The following ERICH6 variants were observed in gnomAD, a reference collection of about 807,000 sequenced individuals.
The protein encoded by ERICH6 is glutamate-rich protein 6.
In ERICH6, 71 loss-of-function variants were observed where a neutral mutation model predicts 71.0. The ratio of observed to expected loss-of-function variants is 1.00; its 90% confidence interval spans 0.83 to 1.22. The LOEUF is 1.22. ERICH6 is among the 50% of genes most tolerant of loss of function. The pLI, the probability that ERICH6 is intolerant of heterozygous loss-of-function variation, is 0.00. For missense variants in ERICH6, 808 were observed against 797.2 expected (o/e 1.01, Z -0.16); for synonymous variants, 262 against 278.4 (o/e 0.94, Z 0.59).
chr3:150,680,495 T>C lies in ERICH6; in HGVS notation c.1084A>G (p.Arg362Gly). The C allele has an allele frequency of 6.2e-7, 1 of 1,614,236 alleles. No homozygotes were observed. The highest frequency in any genetic ancestry group is 1.1e-5 in the South Asian group (1 of 91,084). Residue 362 changes from arginine to glycine, a missense_variant, in exon 9 of 14, where the codon AGG becomes GGG. Transcript: ENST00000295910. ...RMARHFAIISREQTHFSEDDS... is the reference protein window; with the variant it reads ...RMARHFAIISGEQTHFSEDDS... Reference sequence around the variant, plus strand: ...TCTTCAGAGAAATGAGTCTGTTCCCTTGATATTATTGCAAAATGTCTGGCC... The same window carrying C: ...TCTTCAGAGAAATGAGTCTGTTCCCCTGATATTATTGCAAAATGTCTGGCC...
At chr3:150,672,653 CTT>C (rs112999157) in intron 11 of ERICH6, among the ~76,000 whole-genome samples, 1 of 146,786 alleles carries the variant, frequency 6.8e-6, no homozygotes, top group Admixed American at 6.8e-5. Flanking sequence ...TTTCTCTTTT[CTT>C]TTTTTTTTTA....
At position 150,698,871 on chromosome 3, in the gene ERICH6, C is replaced by T. The variant is rs113419449; in HGVS notation, c.473G>A (p.Arg158His). The T allele has an allele frequency of 1.9e-3, 3,002 of 1,613,220 alleles. 31 individuals are homozygous for T. The African/African-American group carries it at 0.032, about 17-fold the overall frequency. Reference protein sequence around the residue: ...SEMSIDRNIHRNLSPGIPVSV... With the variant: ...SEMSIDRNIHHNLSPGIPVSV... ...TACTGGAATTCCTGGAGACAAATTG[C>T]GATGAATATTTCTGAAATTTCGACA... The change falls in exon 3 of 14, where the codon CGC (arginine) becomes CAC (histidine). Residue 158 changes from arginine (R) to histidine (H), a missense_variant. By Grantham distance (29) the Arg-to-His change is conservative. Around this residue, in one of 3 missense-constraint regions of ERICH6, gnomAD observed 736 missense variants for 712.2 expected, o/e 1.03. Coordinates refer to ENST00000295910, the MANE Select transcript of ERICH6 (RefSeq NM_152394.5).
At chr3:150,665,542 A>G (rs1047652406) in intron 13 of ERICH6, among the ~76,000 whole-genome samples, 3 of 144,210 alleles carry the variant, frequency 2.1e-5, no homozygotes, top group Admixed American at 7.1e-5. Flanking sequence ...AATCGACGAA[A>G]CAGGCCGGGA....
Position 150,703,569 on chromosome 3 carries a change from G to A in ERICH6, c.330C>T (p.Phe110=). 6.2e-7 allele frequency: 1 copy of A among 1,613,712 alleles called. No individual in the cohort carries two copies. Among genetic ancestry groups the A allele is most frequent in the South Asian group, 1.1e-5 (1 of 91,066 alleles). ...SIVSPSLTST[F]VPSQSATSTE... ...TGCTGGTCGCGCTCTGGCTGGGCAC[G>A]AACGTAGAGGTCAGGCTAGGGCTGA... Residue 110 remains phenylalanine, a synonymous_variant, in exon 1 of 14, where the codon TTC becomes TTT. Coordinates refer to ENST00000295910, the MANE Select transcript of ERICH6 (RefSeq NM_152394.5).
intron 13 of ERICH6, among the ~76,000 whole-genome samples, chr3:150,666,067 A>G (rs1727405405): frequency 6.6e-6 from 1 of 152,224 alleles, no homozygotes; most frequent in South Asian, 2.1e-4. Flanking sequence ...TTTATGGATA[A>G]GGAAACTGAA....
intron 6 of ERICH6, among the ~76,000 whole-genome samples, chr3:150,683,471 G>T (rs1409007219): frequency 1.3e-5 from 2 of 152,116 alleles, no homozygotes; most frequent in Non-Finnish European, 2.9e-5. Flanking sequence ...TACTTCAAAA[G>T]ACCATGAGGG....
chr3:150,672,992 T>A (rs143369341), intron 11 of ERICH6, among the ~76,000 whole-genome samples: 1 of 152,104 alleles, frequency 6.6e-6, no homozygotes, highest in Non-Finnish European at 1.5e-5. Flanking sequence ...GCCACTGCAC[T>A]CTAACCCGGG....
intron 6 of ERICH6, 38 bp downstream of exon 6, chr3:150,685,704 T>C: frequency 6.8e-7 from 1 of 1,477,380 alleles, no homozygotes; most frequent in Non-Finnish European, 9.4e-7. Flanking sequence ...TATGTCATTT[T>C]TTTAAGAGTA....
intron 12 of ERICH6, 26 bp downstream of exon 12, chr3:150,669,270 G>A: frequency 1.3e-6 from 2 of 1,549,608 alleles, no homozygotes; most frequent in Non-Finnish European, 1.7e-6. Flanking sequence ...CCACAAAATG[G>A]CAGCAGCAGG....
intron 10 of ERICH6, among the ~76,000 whole-genome samples, chr3:150,678,181 C>T (rs1296720217): frequency 6.6e-6 from 1 of 152,014 alleles, no homozygotes; most frequent in Non-Finnish European, 1.5e-5. Flanking sequence ...CTAAGGGTTC[C>T]AAATGTTCTC....
chr3:150,670,392 G>A (rs1711498233), intron 11 of ERICH6, among the ~76,000 whole-genome samples: 1 of 149,282 alleles, frequency 6.7e-6, no homozygotes, highest in Admixed American at 6.8e-5. Flanking sequence ...TGAGGCAGGA[G>A]AATTGCTTGA....
In ERICH6 at chr3:150,703,761, T is replaced by TTCCTCCTCCTCCTCCACCTCG. The variant is rs1713051722; in HGVS notation, c.137_138insCGAGGTGGAGGAGGAGGAGGA (p.Glu45_Glu46insAspGluValGluGluGluGlu). Reference sequence around the variant, plus strand: ...CCTCCTCCTCCTCCTCCTCCACCTCTTCCTCCTCCTCCTCCACCTCTTCCT... The same window carrying TTCCTCCTCCTCCTCCACCTCG: ...CCTCCTCCTCCTCCTCCTCCACCTCTTCCTCCTCCTCCTCCACCTCGTCCTCCTCCTCCTCCACCTCTTCCT... On this transcript the variant is annotated inframe_insertion, in exon 1 of 14. Transcript: ENST00000295910. 1.3e-6 allele frequency: 2 copies of TTCCTCCTCCTCCTCCACCTCG among 1,528,088 alleles called. No homozygotes were observed. The highest frequency in any genetic ancestry group is 8.7e-7 in the Non-Finnish European group (1 of 1,146,460). The allele number at this position is 1,528,088 out of a possible 1,614,324, so 94.7% of individuals were successfully genotyped here.
In ERICH6 at chr3:150,678,323, T is replaced by A. The variant is rs1576552395; in HGVS notation, c.1257+86A>T. 3 of 1,311,960 alleles carry A rather than the reference T, an allele frequency of 2.3e-6. No individual in the cohort carries two copies. In the East Asian group the frequency reaches 7.4e-5, roughly 32 times the overall value. The allele number at this position is 1,311,960 out of a possible 1,614,324, so 81.3% of individuals were successfully genotyped here. A position where few individuals can be genotyped will look rare whatever the true frequency, so the allele number is the denominator to read the frequency against. ...TTGACAACTAGTTAAATGCATCATGTAGCCAAGCTTCATGAAAGACTTTAT... is the reference window on the plus strand; with the variant it reads ...TTGACAACTAGTTAAATGCATCATGAAGCCAAGCTTCATGAAAGACTTTAT... On this transcript the variant is annotated intron_variant, in intron 10 of 13. Transcript: ENST00000295910.
In ERICH6 at chr3:150,680,811, C is replaced by T; in HGVS notation, c.1002G>A (p.Glu334=). The T allele has an allele frequency of 5.6e-6, 9 of 1,612,734 alleles. No homozygotes were observed. Among genetic ancestry groups the T allele is most frequent in the Non-Finnish European group, 7.6e-6 (9 of 1,179,708 alleles). ...TTTCTTTTGCCTTGAGTCTGTCGAC[C>T]TCACTACCATGGGCTGCATGAGGGT... The part of the protein sequence containing the change: ...AIDPHAAHGS[E]VDRLKAKEKA... The change falls in exon 8 of 14, where the codon GAG becomes GAA. Residue 334 remains glutamate, a synonymous_variant. Coordinates refer to ENST00000295910, the MANE Select transcript of ERICH6 (RefSeq NM_152394.5).
At chr3:150,672,325 T>TGGTG (rs1711510591) in intron 11 of ERICH6, among the ~76,000 whole-genome samples, 1 of 139,548 alleles carries the variant, frequency 7.2e-6, no homozygotes, top group African/African-American at 2.7e-5. Context: ...AGGCCGGGTG[T>TGGTG]GGTGGCTCAT....
chr3:150,703,663 C>A lies in ERICH6; in HGVS notation c.236G>T (p.Trp79Leu). ...APETFSEEYL[W>L]KVTDIGDYDD... ...GTAGTCACCGATGTCCGTGACCTTC[C>A]AGAGGTACTCTTCGCTGAACGTCTC... The change falls in exon 1 of 14, where the codon TGG (tryptophan) becomes TTG (leucine). Residue 79 changes from tryptophan to leucine, a missense_variant. Physicochemically the swap from Trp to Leu is moderately conservative, Grantham distance 61 (BLOSUM62 -2). Around this residue, in one of 3 missense-constraint regions of ERICH6, gnomAD observed 736 missense variants for 712.2 expected, o/e 1.03. Coordinates refer to ENST00000295910, the MANE Select transcript of ERICH6 (RefSeq NM_152394.5). 1.9e-6 allele frequency: 3 copies of A among 1,613,730 alleles called. No individual in the cohort carries two copies. The highest frequency in any genetic ancestry group is 2.5e-6 in the Non-Finnish European group (3 of 1,179,828).
intron 3 of ERICH6, among the ~76,000 whole-genome samples, chr3:150,694,045 C>T (rs1174927412): frequency 6.6e-6 from 1 of 152,144 alleles, no homozygotes; most frequent in African/African-American, 2.4e-5. Flanking sequence ...GTATGGACTT[C>T]AGAGTAATGT....
intron 12 of ERICH6, 133 bp from the exon 13 acceptor site, chr3:150,667,148 G>A: frequency 2.6e-6 from 2 of 754,738 alleles, no homozygotes; most frequent in East Asian, 5.2e-5. Context: ...GAAACTTCAG[G>A]TAATCTTAGG....
Position 150,680,549 on chromosome 3 carries a change from A to G in ERICH6, c.1041-11T>C, listed in dbSNP as rs1260289805. On this transcript the variant is annotated splice_polypyrimidine_tract_variant and intron_variant, in intron 8 of 13. Coordinates refer to ENST00000295910, the MANE Select transcript of ERICH6 (RefSeq NM_152394.5). ...CGTTGCTCCTGTTTCCTACAAAATC[A>G]GAAAACATCAGGCATAAATCTGAAA... 28 of 1,614,128 alleles carry G rather than the reference A, an allele frequency of 1.7e-5. No homozygotes were observed. The highest frequency in any genetic ancestry group is 2.4e-5 in the Non-Finnish European group (28 of 1,179,956).
Sources: gnomAD v4.1 joint callset for allele counts (sites outside exome capture counted in the v4.1 genomes callset) on GRCh38, gnomAD v4.1.1 for gene constraint, gnomAD v4.1.1 regional missense constraint, MANE v1.5 for transcripts, NCBI Gene and HGNC (gene_info 2026-07-23, HGNC 2026-07-21) for gene names.